Variants in FMNL2 observed in about 807,000 individuals in gnomAD.
FMNL2 encodes formin like 2.
Under a neutral mutation model 130.2 loss-of-function variants are expected in FMNL2, and 51 were observed. That is an observed-to-expected ratio of 0.39 (90% CI 0.31 to 0.49). The LOEUF (loss-of-function observed/expected upper bound fraction) is 0.49. Ranked by LOEUF, FMNL2 falls within the 20% of genes least tolerant of loss-of-function variation. The pLI, the probability that FMNL2 is intolerant of heterozygous loss-of-function variation, is 0.85. For synonymous variants in FMNL2, 465 were observed against 467.1 expected (o/e 1.00, Z 0.06); for missense variants, 977 against 1,316.2 (o/e 0.74, Z 3.99).
chr2:152,628,152 C>T (rs567718307), intron 17 of FMNL2, 147 bp from the exon 18 acceptor site: 2 of 693,154 alleles, frequency 2.9e-6, no homozygotes, highest in South Asian at 3.8e-5. Context: ...CACAGGACAG[C>T]TGGAGAAATC....
chr2:152,584,603 A>G (rs1029851104), intron 9 of FMNL2, among the ~76,000 whole-genome samples: 3 of 152,244 alleles, frequency 2.0e-5, no homozygotes, highest in Non-Finnish European at 4.4e-5. Context: ...CTAGAAAGAC[A>G]TTTAAAAGGC....
At chr2:152,622,418 G>A (rs1208036752) in intron 15 of FMNL2, 16 of 452,094 alleles carry the variant, frequency 3.5e-5, no homozygotes, top group South Asian at 1.7e-4. Context: ...GTGCCGCCTT[G>A]TGAAATGTGT....
At chr2:152,434,949 G>C (rs991649385) in intron 1 of FMNL2, among the ~76,000 whole-genome samples, 1 of 151,950 alleles carries the variant, frequency 6.6e-6, no homozygotes, top group Non-Finnish European at 1.5e-5. Flanking sequence ...CCACAAACAT[G>C]TGCTCAGTAA....
At chr2:152,425,099 G>T (rs1260378621) in intron 1 of FMNL2, among the ~76,000 whole-genome samples, 1 of 152,142 alleles carries the variant, frequency 6.6e-6, no homozygotes, top group Admixed American at 6.5e-5. Context: ...ACATAAGTAG[G>T]CATTGAAACC....
chr2:152,551,736 G>T (rs1024410617), intron 4 of FMNL2, among the ~76,000 whole-genome samples: 4 of 152,190 alleles, frequency 2.6e-5, no homozygotes, highest in Non-Finnish European at 5.9e-5. Flanking sequence ...AGATAATTCA[G>T]TGAGTGTGGT....
intron 1 of FMNL2, among the ~76,000 whole-genome samples, chr2:152,521,474 T>G (rs1262932963): frequency 6.6e-6 from 1 of 151,810 alleles, no homozygotes; most frequent in Non-Finnish European, 1.5e-5. Context: ...AGTTGCATTG[T>G]TGTCTTTTTT....
At chr2:152,569,528 T>C (rs1696046969) in intron 6 of FMNL2, among the ~76,000 whole-genome samples, 3 of 149,568 alleles carry the variant, frequency 2.0e-5, no homozygotes, top group Admixed American at 1.3e-4. Context: ...TTAAAAGATA[T>C]TTGCTTAGCC....
Position 152,647,973 on chromosome 2 carries a change from T to C in FMNL2, c.*68T>C. 3.1e-6 allele frequency: 4 copies of C among 1,295,768 alleles called. No homozygotes were observed. Among genetic ancestry groups the C allele is most frequent in the East Asian group, 2.4e-5 (1 of 42,246 alleles). The allele number at this position is 1,295,768 out of a possible 1,614,324, so 80.3% of individuals were successfully genotyped here. ...AACTGCCCACATGAACTTTATGTGC[T>C]ACGATTTAACTGCAGCCTTGAACAC... On this transcript the variant is annotated 3_prime_UTR_variant, in exon 26 of 26. Coordinates refer to ENST00000288670, the MANE Select transcript of FMNL2 (RefSeq NM_052905.4).
chr2:152,597,061 G>A (rs1233808505), intron 9 of FMNL2, among the ~76,000 whole-genome samples: 1 of 152,074 alleles, frequency 6.6e-6, no homozygotes, highest in Non-Finnish European at 1.5e-5. Flanking sequence ...CTAATAATTG[G>A]CACATTTCCT....
At chr2:152,360,876 T>A (rs895290611) in intron 1 of FMNL2, among the ~76,000 whole-genome samples, 12 of 152,230 alleles carry the variant, frequency 7.9e-5, no homozygotes, top group African/African-American at 2.9e-4. Context: ...TTTAAACTCT[T>A]TGCTCATAAA....
chr2:152,631,379 C>A (rs184369099), intron 20 of FMNL2, among the ~76,000 whole-genome samples: 88 of 109,726 alleles, frequency 8.0e-4, no homozygotes, highest in African/African-American at 3.0e-3. Context: ...GGCGACAGAA[C>A]GAGACTCCAT....
intron 1 of FMNL2, among the ~76,000 whole-genome samples, chr2:152,358,372 A>C (rs1490312140): frequency 6.6e-6 from 1 of 152,082 alleles, no homozygotes; most frequent in African/African-American, 2.4e-5. Context: ...TAATAAGGCC[A>C]GGCGTGGTGG....
chr2:152,605,307 C>A (rs186572070), intron 9 of FMNL2, among the ~76,000 whole-genome samples: 1 of 148,160 alleles, frequency 6.7e-6, no homozygotes, highest in Non-Finnish European at 1.5e-5. Context: ...TGTGCGTGTG[C>A]GTGTGTGTGT....
chr2:152,577,882 C>T (rs189178605), intron 7 of FMNL2, among the ~76,000 whole-genome samples: 3 of 152,198 alleles, frequency 2.0e-5, no homozygotes, highest in Admixed American at 1.3e-4. Flanking sequence ...TAAAGGATAG[C>T]AGAGAAATGA....
chr2:152,641,042 C>T (rs1030742484), intron 25 of FMNL2, 128 bp downstream of exon 25: 3 of 1,164,356 alleles, frequency 2.6e-6, no homozygotes, highest in African/African-American at 1.5e-5. Context: ...TATTCACACC[C>T]AGAGTGATGC....
chr2:152,420,478 G>A (rs1686850215), intron 1 of FMNL2, among the ~76,000 whole-genome samples: 1 of 152,204 alleles, frequency 6.6e-6, no homozygotes, highest in Non-Finnish European at 1.5e-5. Flanking sequence ...TTCTGAGTAT[G>A]ATCTGAAAGT....
At chr2:152,424,552 G>A (rs1347433309) in intron 1 of FMNL2, among the ~76,000 whole-genome samples, 3 of 151,994 alleles carry the variant, frequency 2.0e-5, no homozygotes, top group South Asian at 2.1e-4. Context: ...CACCATGCGC[G>A]GCTAATTTTT....
chr2:152,591,706 T>C (rs1697452667), intron 9 of FMNL2, among the ~76,000 whole-genome samples: 1 of 152,146 alleles, frequency 6.6e-6, no homozygotes, highest in East Asian at 1.9e-4. Flanking sequence ...CTCAGGAGGC[T>C]GAAGCCAGAG....
At chr2:152,400,616 G>A (rs1558830318) in intron 1 of FMNL2, among the ~76,000 whole-genome samples, 1 of 152,124 alleles carries the variant, frequency 6.6e-6, no homozygotes, top group African/African-American at 2.4e-5. Context: ...GTTTTCTTGT[G>A]CAGTTTGTTT....
Sources: allele counts gnomAD v4.1 joint callset (sites outside exome capture counted in the v4.1 genomes callset), GRCh38; gene constraint gnomAD v4.1.1; transcripts MANE v1.5; gene names NCBI Gene and HGNC (gene_info 2026-07-23, HGNC 2026-07-21).